Variants in CMTR1 observed in about 807,000 individuals in gnomAD.
The protein encoded by CMTR1 is cap methyltransferase 1, also known as cap-specific mRNA (nucleoside-2'-O-)-methyltransferase 1.
Under a neutral mutation model 107.0 loss-of-function variants are expected in CMTR1, and 39 were observed. The ratio of observed to expected loss-of-function variants is 0.36; its 90% CI spans 0.28 to 0.48. The LOEUF (loss-of-function observed/expected upper bound fraction) is 0.48. Ranked by LOEUF, CMTR1 falls within the 20% of genes least tolerant of loss-of-function variation. The pLI, the probability that CMTR1 is intolerant of heterozygous loss-of-function variation, is 0.99. For synonymous variants in CMTR1, 366 were observed against 379.5 expected, an observed-to-expected ratio of 0.96 and a Z score of 0.41; for missense variants, 672 against 1,064.9, an observed-to-expected ratio of 0.63 and a Z score of 5.14.
At chr6:37,469,162 C>T (rs1017142716) in intron 13 of CMTR1, among the ~76,000 whole-genome samples, 1 of 151,748 alleles carries the variant, frequency 6.6e-6, no homozygotes, top group Non-Finnish European at 1.5e-5. Context: ...AAAAACAAAA[C>T]AAAAAACTAT....
At chr6:37,444,299 C>A (rs948146090) in intron 3 of CMTR1, 149 bp downstream of exon 3, 5 of 933,246 alleles carry the variant, frequency 5.4e-6, no homozygotes, top group Non-Finnish European at 7.9e-6. Flanking sequence ...TGACCCACTT[C>A]TTGATAGAAG....
chr6:37,479,003 A>G, intron 22 of CMTR1, 144 bp from the exon 23 acceptor site: 1 of 613,780 alleles, frequency 1.6e-6, no homozygotes, highest in Non-Finnish European at 2.9e-6. Flanking sequence ...GCTGGTGATG[A>G]AGGCTGCTGC....
intron 23 of CMTR1, among the ~76,000 whole-genome samples, chr6:37,479,464 T>A (rs143880805): frequency 6.6e-6 from 1 of 152,224 alleles, no homozygotes; most frequent in South Asian, 2.1e-4. Context: ...GGAAGCACGA[T>A]GCCTGGACCT....
At chr6:37,461,410 A>C in intron 10 of CMTR1, 139 bp from the exon 11 acceptor site, 1 of 547,618 alleles carries the variant, frequency 1.8e-6, no homozygotes. Flanking sequence ...AAATAACTCA[A>C]CACTGAGCTG....
chr6:37,431,573 G>C (rs557606901), upstream of CMTR1, among the ~76,000 whole-genome samples: 1 of 152,302 alleles, frequency 6.6e-6, no homozygotes, highest in African/African-American at 2.4e-5. Context: ...AGCTGAGTCG[G>C]GGAGGCAGAT....
chr6:37,462,818 T>A lies in CMTR1; in HGVS notation c.1326-11T>A. 6.2e-7 allele frequency: 1 copy of A among 1,611,438 alleles called. No homozygotes were observed. On this transcript the variant is annotated splice_polypyrimidine_tract_variant and intron_variant, in intron 12 of 23. Coordinates refer to ENST00000373451, the MANE Select transcript of CMTR1 (RefSeq NM_015050.3). ...CCTTGCTCGGTGGAGTGACAGAGTA[T>A]CTTCTGCCAGGTATGTGGTGTGCAA...
intron 18 of CMTR1, 127 bp from the exon 19 acceptor site, chr6:37,475,194 A>G: frequency 1.4e-6 from 1 of 735,728 alleles, no homozygotes; most frequent in Non-Finnish European, 2.4e-6. Context: ...CAAGAAAAAT[A>G]TCCTGCATTT....
chr6:37,471,340 T>C (rs548581596), intron 14 of CMTR1, among the ~76,000 whole-genome samples: 1 of 152,178 alleles, frequency 6.6e-6, no homozygotes, highest in South Asian at 2.1e-4. Flanking sequence ...TCAGAGGGTG[T>C]AGAGTGGCAT....
intron 2 of CMTR1, chr6:37,436,256 G>A (rs1233205852): frequency 1.3e-5 from 2 of 152,442 alleles, no homozygotes; most frequent in African/African-American, 2.4e-5. Context: ...ATTAAGCGTC[G>A]AAGATTTCAC....
At chr6:37,436,530 GGGCCATGTTCCCTCAAA>G (rs1262000948) in intron 2 of CMTR1, 1 of 152,200 alleles carries the variant, frequency 6.6e-6, no homozygotes, top group Non-Finnish European at 1.5e-5. Flanking sequence ...AGTGTTGGTG[GGGCCATGTTCCCTCAAA>G]GGCTCTTGGG....
chr6:37,461,925 G>A (rs764112328), intron 11 of CMTR1, 45 bp from the exon 12 acceptor site: 11 of 1,607,296 alleles, frequency 6.8e-6, no homozygotes, highest in Admixed American at 6.7e-5. Flanking sequence ...CCCATCTCTT[G>A]GAATAGACCC....
chr6:37,464,095 C>G (rs1200574276), intron 13 of CMTR1, among the ~76,000 whole-genome samples: 1 of 152,138 alleles, frequency 6.6e-6, no homozygotes, highest in Non-Finnish European at 1.5e-5. Context: ...AGGTATAATT[C>G]TGTAAGTGAA....
the CMTR1 span, among the ~76,000 whole-genome samples, chr6:37,424,001 G>A: frequency 0.015 from 2,265 of 152,220 alleles, 27 homozygotes; most frequent in Middle Eastern, 0.024. Context: ...CACGTTGCTG[G>A]CAAAGAGAAG....
At chr6:37,453,686 G>C (rs1761232777) in intron 8 of CMTR1, among the ~76,000 whole-genome samples, 1 of 152,196 alleles carries the variant, frequency 6.6e-6, no homozygotes, top group Non-Finnish European at 1.5e-5. Context: ...GCATTTCAGT[G>C]GGCATTTTCA....
At chr6:37,442,706 A>T (rs1225231526) in intron 2 of CMTR1, among the ~76,000 whole-genome samples, 4 of 152,154 alleles carry the variant, frequency 2.6e-5, no homozygotes, top group African/African-American at 9.7e-5. Context: ...TTGAATGTCA[A>T]CCCTTAGCAG....
intron 8 of CMTR1, among the ~76,000 whole-genome samples, chr6:37,455,979 G>A (rs1002637457): frequency 1.3e-5 from 2 of 152,202 alleles, no homozygotes; most frequent in Non-Finnish European, 2.9e-5. Flanking sequence ...AGCTAAGAAC[G>A]CCAGCTGTCC....
intron 1 of CMTR1, among the ~76,000 whole-genome samples, chr6:37,434,922 CTT>C (rs567489063): frequency 5.6e-4 from 85 of 152,244 alleles, no homozygotes; most frequent in Non-Finnish European, 1.1e-3. Context: ...GGTTTCCACT[CTT>C]TTTTGTGGAG....
intron 5 of CMTR1, among the ~76,000 whole-genome samples, chr6:37,451,221 C>T (rs771892581): frequency 1.3e-5 from 2 of 151,796 alleles, no homozygotes; most frequent in Non-Finnish European, 2.9e-5. Flanking sequence ...TTATCTATCC[C>T]GCATAAACAA....
At position 37,478,499 on chromosome 6, in the gene CMTR1, C is replaced by G; in HGVS notation, c.2244C>G (p.Leu748=). 3.7e-6 allele frequency: 6 copies of G among 1,613,950 alleles called. No homozygotes were observed. The highest frequency in any genetic ancestry group is 5.1e-6 in the Non-Finnish European group (6 of 1,179,854). The change falls in exon 22 of 24, where the codon CTC becomes CTG. Residue 748 remains leucine (L), a synonymous_variant. Transcript: ENST00000373451. The part of the protein sequence containing the change: ...RDDRHFVPMG[L]YIVRTVNEPW... ...ACCGGCACTTTGTACCCATGGGCCTCTACATCGTCAGGACAGTGAATGGTG... is the reference window on the plus strand; with the variant it reads ...ACCGGCACTTTGTACCCATGGGCCTGTACATCGTCAGGACAGTGAATGGTG...
Sources: gnomAD v4.1 joint callset for allele counts (sites outside exome capture counted in the v4.1 genomes callset) on GRCh38, gnomAD v4.1.1 for gene constraint, MANE v1.5 for transcripts, NCBI Gene and HGNC (gene_info 2026-07-23, HGNC 2026-07-21) for gene names.